GRM3: variants seen among roughly 807,000 people sequenced by gnomAD.
The protein encoded by GRM3 is glutamate metabotropic receptor 3, also known as metabotropic glutamate receptor 3.
GRM3 carries 26 observed loss-of-function variants against 70.5 expected under a neutral mutation model. The observed-to-expected ratio is 0.37, with a 90% CI of 0.27 to 0.51. The LOEUF (loss-of-function observed/expected upper bound fraction) is 0.51. Among genes scored for constraint, GRM3 ranks in the 20% least tolerant of loss-of-function variants. GRM3 has a pLI of 0.93. For missense variants in GRM3, 859 were observed against 1,123.8 expected (o/e 0.76, Z 3.37); for synonymous variants, 443 against 434.9 (o/e 1.02, Z -0.23).
chr7:86,830,092 A>G (rs1420576474), intron 3 of GRM3, among the ~76,000 whole-genome samples: 4 of 152,172 alleles, frequency 2.6e-5, no homozygotes, highest in African/African-American at 9.7e-5. Flanking sequence ...AGACATGCCA[A>G]TGGCTTCTCA....
chr7:86,649,012 G>A (rs1162192579), intron 1 of GRM3, among the ~76,000 whole-genome samples: 3 of 152,154 alleles, frequency 2.0e-5, no homozygotes, highest in Non-Finnish European at 4.4e-5. Flanking sequence ...ACCATTTAGT[G>A]CTATCTTACT....
intron 1 of GRM3, among the ~76,000 whole-genome samples, chr7:86,717,637 G>A (rs925105037): frequency 6.6e-6 from 1 of 151,926 alleles, no homozygotes; most frequent in Admixed American, 6.6e-5. Context: ...CATGTGGTTA[G>A]CCATTTTAGA....
At chr7:86,703,706 G>A (rs1048819473) in intron 1 of GRM3, among the ~76,000 whole-genome samples, 1 of 151,894 alleles carries the variant, frequency 6.6e-6, no homozygotes, top group Non-Finnish European at 1.5e-5. Context: ...GAAGTGGAAT[G>A]ATTCATCAAA....
At chr7:86,752,491 T>C (rs1796253102) in intron 1 of GRM3, among the ~76,000 whole-genome samples, 1 of 152,120 alleles carries the variant, frequency 6.6e-6, no homozygotes, top group South Asian at 2.1e-4. Context: ...ACAAGAGATA[T>C]GTTAGTCTTG....
chr7:86,725,128 A>G (rs540664023), intron 1 of GRM3, among the ~76,000 whole-genome samples: 2 of 152,268 alleles, frequency 1.3e-5, no homozygotes, highest in African/African-American at 2.4e-5. Flanking sequence ...TTTCATGGCT[A>G]TAACTTTAGG....
At chr7:86,758,149 G>C (rs1231810310) in intron 1 of GRM3, among the ~76,000 whole-genome samples, 1 of 152,082 alleles carries the variant, frequency 6.6e-6, no homozygotes, top group Admixed American at 6.6e-5. Flanking sequence ...GGAAACAGAA[G>C]AGTTAATTCA....
chr7:86,821,408 A>G (rs1798117495), intron 3 of GRM3, among the ~76,000 whole-genome samples: 1 of 152,196 alleles, frequency 6.6e-6, no homozygotes, highest in Non-Finnish European at 1.5e-5. Flanking sequence ...CTTTCATTCA[A>G]TAAACGTTTA....
intron 1 of GRM3, among the ~76,000 whole-genome samples, chr7:86,673,033 G>T (rs1041229261): frequency 5.9e-5 from 9 of 152,136 alleles, no homozygotes; most frequent in African/African-American, 2.2e-4. Context: ...GTCTTACATA[G>T]ATAAGCTGTT....
At chr7:86,862,295 T>C (rs1798975740) in intron 5 of GRM3, among the ~76,000 whole-genome samples, 1 of 152,162 alleles carries the variant, frequency 6.6e-6, no homozygotes, top group Middle Eastern at 3.2e-3. Context: ...CCATTTTGAA[T>C]CTCACTTTGC....
chr7:86,850,336 A>T, intron 4 of GRM3, 34 bp from the exon 5 acceptor site: 1 of 1,539,584 alleles, frequency 6.5e-7, no homozygotes, highest in Non-Finnish European at 9.0e-7. Flanking sequence ...CTGAATGTAC[A>T]GCCAGACACT....
chr7:86,656,637 A>C (rs1793752869), intron 1 of GRM3, among the ~76,000 whole-genome samples: 1 of 151,998 alleles, frequency 6.6e-6, no homozygotes, highest in Non-Finnish European at 1.5e-5. Flanking sequence ...AGGACATATG[A>C]AATGTAATAC....
At chr7:86,772,758 T>C (rs1298616106) in intron 2 of GRM3, among the ~76,000 whole-genome samples, 1 of 152,116 alleles carries the variant, frequency 6.6e-6, no homozygotes, top group African/African-American at 2.4e-5. Context: ...TAGAAATCCA[T>C]TCACTACTCT....
intron 1 of GRM3, among the ~76,000 whole-genome samples, chr7:86,689,451 G>C (rs1292876019): frequency 6.6e-6 from 1 of 151,988 alleles, no homozygotes; most frequent in Admixed American, 6.6e-5. Flanking sequence ...AGAGCCTAAG[G>C]ATAAATTCCT....
chr7:86,808,528 A>T (rs1797844525), intron 3 of GRM3, among the ~76,000 whole-genome samples: 1 of 151,878 alleles, frequency 6.6e-6, no homozygotes, highest in Non-Finnish European at 1.5e-5. Flanking sequence ...ATAGAATGCC[A>T]CATGCTGATC....
At position 86,786,912 on chromosome 7, in the gene GRM3, G is replaced by A. The variant is rs762665500; in HGVS notation, c.1120G>A (p.Asp374Asn). 3.1e-6 allele frequency: 5 copies of A among 1,613,996 alleles called. No individual in the cohort carries two copies. The highest frequency in any genetic ancestry group is 3.3e-5 in the Admixed American group (2 of 60,010). The change falls in exon 3 of 6, where the codon GAC (aspartate) becomes AAC (asparagine). Residue 374 changes from aspartate to asparagine, a missense_variant. Physicochemically the swap from Asp to Asn is conservative, Grantham distance 23 (BLOSUM62 1). Transcript: ENST00000361669. The surrounding 1 kb of genome is among the most constrained non-coding windows in gnomAD (Gnocchi z 6.0). Reference protein sequence around the residue: ...QNKRNHRRVCDKHLAIDSSNY... With the variant: ...QNKRNHRRVCNKHLAIDSSNY... ...CAAACGCAACCACAGGCGCGTCTGC[G>A]ACAAGCACCTGGCCATCGACAGCAG... is the stretch of plus-strand genomic sequence containing the variant.
intron 1 of GRM3, among the ~76,000 whole-genome samples, chr7:86,693,415 T>G (rs1794740069): frequency 6.6e-6 from 1 of 152,096 alleles, no homozygotes; most frequent in Admixed American, 6.6e-5. Flanking sequence ...GGTGCTCAAG[T>G]AGGAAGCTTT....
intron 1 of GRM3, among the ~76,000 whole-genome samples, chr7:86,756,175 T>C (rs1490046170): frequency 6.6e-6 from 1 of 152,122 alleles, no homozygotes; most frequent in East Asian, 1.9e-4. Context: ...TCCTCCTGGG[T>C]TCAAGTGATT....
intron 3 of GRM3, among the ~76,000 whole-genome samples, chr7:86,808,898 G>A (rs1441182107): frequency 6.6e-6 from 1 of 152,034 alleles, no homozygotes; most frequent in Non-Finnish European, 1.5e-5. Context: ...AATAAGGTCA[G>A]AGAAGTGGTG....
intron 4 of GRM3, among the ~76,000 whole-genome samples, chr7:86,845,357 A>T (rs912129364): frequency 5.9e-5 from 9 of 152,202 alleles, no homozygotes; most frequent in Non-Finnish European, 5.9e-5. Context: ...CATTGTGTTC[A>T]TCATGGGCTT....
Sources: gnomAD v4.1 joint callset for allele counts (sites outside exome capture counted in the v4.1 genomes callset) on GRCh38, gnomAD v4.1.1 for gene constraint, Gnocchi (gnomAD v3.1) non-coding constraint, MANE v1.5 for transcripts, NCBI Gene and HGNC (gene_info 2026-07-23, HGNC 2026-07-21) for gene names.